The following TENM1 variants were observed in gnomAD, a reference collection of about 807,000 sequenced individuals.
TENM1 encodes the protein teneurin-1.
TENM1 carries 35 observed loss-of-function variants against 174.8 expected under a neutral mutation model. That is an observed-to-expected ratio of 0.20 (90% CI 0.15 to 0.27). TENM1 has a LOEUF of 0.27. TENM1 is among the 10% of genes least tolerant of loss of function. The pLI, the probability that TENM1 is intolerant of heterozygous loss-of-function variation, is 1.00. For synonymous variants in TENM1, 781 were observed against 798.7 expected, an observed-to-expected ratio of 0.98 and a Z score of 0.37; for missense variants, 1,633 against 2,130.1, an observed-to-expected ratio of 0.77 and a Z score of 4.59.
intron 11 of TENM1, among the ~76,000 whole-genome samples, chrX:124,599,241 G>A (rs2049975631): frequency 9.0e-6 from 1 of 111,327 alleles, no homozygotes; most frequent in Non-Finnish European, 1.9e-5. Flanking sequence ...CATGCATCAT[G>A]TCTTAGTTTG....
the TENM1 span, among the ~76,000 whole-genome samples, chrX:124,991,742 C>T: frequency 9.1e-6 from 1 of 110,466 alleles, no homozygotes; most frequent in Admixed American, 9.7e-5. Flanking sequence ...AATGCTCCCA[C>T]CCCCATTCCT....
At chrX:124,757,512 C>T (rs1326120018) in intron 3 of TENM1, among the ~76,000 whole-genome samples, 3 of 112,613 alleles carry the variant, frequency 2.7e-5, no homozygotes, top group Non-Finnish European at 5.6e-5. Flanking sequence ...GTCCTGCACC[C>T]ACTGTCTGGC....
the TENM1 span, among the ~76,000 whole-genome samples, chrX:124,980,479 G>A: frequency 9.0e-6 from 1 of 110,516 alleles, no homozygotes; most frequent in East Asian, 2.8e-4. Context: ...TAAGTTTAAA[G>A]GTCATAAGCC....
In TENM1 at chrX:124,526,531, A is replaced by T. The variant is rs777516870; in HGVS notation, c.2772-2906T>A. 2.7e-5 allele frequency among the ~76,000 whole-genome samples: 3 copies of T among 112,134 alleles called. No homozygotes were observed. In the South Asian group the frequency reaches 1.1e-3, roughly 42 times the overall value. On this transcript the variant is annotated intron_variant, in intron 16 of 31. Transcript: ENST00000422452. Reference sequence around the variant, plus strand: ...GAACTGTGGCCAGAGATCCATCTAAACCATTTCCAATGCCAAATAGAATGC... The same window carrying T: ...GAACTGTGGCCAGAGATCCATCTAATCCATTTCCAATGCCAAATAGAATGC...
chrX:125,032,192 G>A, the TENM1 span, among the ~76,000 whole-genome samples: 5 of 106,730 alleles, frequency 4.7e-5, no homozygotes, highest in East Asian at 8.9e-4. Context: ...TTTTTGAGAC[G>A]AAGTTTTGCT....
intron 3 of TENM1, among the ~76,000 whole-genome samples, chrX:124,756,578 G>C (rs2054251786): frequency 9.0e-6 from 1 of 111,362 alleles, no homozygotes. Context: ...GCTTTTTAGA[G>C]TTTCCAGTTT....
At chrX:124,473,666 G>T (rs750893438) in intron 22 of TENM1, among the ~76,000 whole-genome samples, 23 of 110,947 alleles carry the variant, frequency 2.1e-4, no homozygotes, top group Non-Finnish European at 3.4e-4. Context: ...TCCCACCTAG[G>T]CTTGTCTTTC....
intron 1 of TENM1, among the ~76,000 whole-genome samples, chrX:124,915,262 C>T (rs1217690782): frequency 8.9e-6 from 1 of 112,299 alleles, no homozygotes; most frequent in Non-Finnish European, 1.9e-5. Flanking sequence ...TGGTGGCTCA[C>T]GCCTGTAATC....
intron 3 of TENM1, among the ~76,000 whole-genome samples, chrX:124,848,084 C>T (rs1193080290): frequency 4.5e-5 from 5 of 110,704 alleles, no homozygotes; most frequent in East Asian, 2.9e-4. Flanking sequence ...GTTAATAACA[C>T]GCATTATCAA....
At chrX:124,613,030 C>G (rs955213974) in intron 11 of TENM1, among the ~76,000 whole-genome samples, 1 of 111,331 alleles carries the variant, frequency 9.0e-6, no homozygotes, top group African/African-American at 3.3e-5. Context: ...ATGGATGGAA[C>G]GTTACCTTTC....
At chrX:124,430,229 A>G (rs1367578595) in intron 23 of TENM1, among the ~76,000 whole-genome samples, 1 of 111,645 alleles carries the variant, frequency 9.0e-6, no homozygotes, top group Non-Finnish European at 1.9e-5. Flanking sequence ...GGAGTCTGGG[A>G]CACTGCTTCT....
At chrX:124,652,011 T>C in exon 8 of TENM1, 1 of 1,211,887 alleles carries the variant, frequency 8.3e-7, no homozygotes, top group African/African-American at 1.7e-5. Flanking sequence ...CTATGAAACC[T>C]GTCTCCTGAA....
At chrX:125,183,893 A>G in the TENM1 span, among the ~76,000 whole-genome samples, 1 of 112,071 alleles carries the variant, frequency 8.9e-6, no homozygotes, top group African/African-American at 3.2e-5. Context: ...ATCTGAGAAC[A>G]GCCCTGAATT....
chrX:125,175,442 A>G, the TENM1 span, among the ~76,000 whole-genome samples: 2 of 111,640 alleles, frequency 1.8e-5, no homozygotes, highest in African/African-American at 6.5e-5. Flanking sequence ...TAAATAAGTG[A>G]TATTATGACA....
exon 4 of TENM1, chrX:124,736,987 A>T: frequency 8.3e-7 from 1 of 1,210,857 alleles, no homozygotes; most frequent in East Asian, 3.0e-5. Flanking sequence ...GCTGTTCAGG[A>T]CCCAGCTGTT....
intron 3 of TENM1, among the ~76,000 whole-genome samples, chrX:124,875,767 T>C (rs1293587361): frequency 9.5e-6 from 1 of 104,994 alleles, no homozygotes; most frequent in African/African-American, 3.5e-5. Context: ...CCTCAGCTAC[T>C]CCGGAGGCTA....
chrX:125,160,401 G>A, the TENM1 span, among the ~76,000 whole-genome samples: 3 of 106,037 alleles, frequency 2.8e-5, no homozygotes, highest in Non-Finnish European at 5.8e-5. Context: ...GGTAGCGCAT[G>A]CCTGTAATCC....
chrX:124,530,571 C>T (rs1371309260), intron 15 of TENM1, among the ~76,000 whole-genome samples: 4 of 111,447 alleles, frequency 3.6e-5, no homozygotes, highest in Admixed American at 2.9e-4. Flanking sequence ...TATGCATTTA[C>T]ATATATAGTA....
intron 11 of TENM1, among the ~76,000 whole-genome samples, chrX:124,577,503 C>T (rs945866050): frequency 1.8e-5 from 2 of 111,458 alleles, no homozygotes; most frequent in East Asian, 2.8e-4. Flanking sequence ...TCATTTAAGA[C>T]ATTTAGTTTT....
Sources: gnomAD v4.1 joint callset for allele counts (sites outside exome capture counted in the v4.1 genomes callset) on GRCh38, gnomAD v4.1.1 for gene constraint, MANE v1.5 for transcripts, NCBI Gene and HGNC (gene_info 2026-07-23, HGNC 2026-07-21) for gene names.